Variants in ITPKA observed in about 807,000 individuals in gnomAD.
The protein encoded by ITPKA is IP3 3-kinase A.
ITPKA carries 16 observed loss-of-function variants against 40.7 expected under a neutral mutation model. That is an observed-to-expected ratio of 0.39 (90% CI 0.27 to 0.60). ITPKA has a LOEUF of 0.60. ITPKA is among the 20% of genes least tolerant of loss of function. The probability of loss-of-function intolerance (pLI) is 0.50; values close to 1 mark genes in which losing one functional copy is unlikely to be tolerated. For missense variants in ITPKA, 540 were observed against 649.3 expected (o/e 0.83, Z 1.83); for synonymous variants, 313 against 289.9 (o/e 1.08, Z -0.81).
In ITPKA at chr15:41,494,256, G is replaced by C; in HGVS notation, c.329G>C (p.Gly110Ala). 6 of 1,546,376 alleles carry C rather than the reference G, an allele frequency of 3.9e-6. No homozygotes were observed. The highest frequency in any genetic ancestry group is 5.2e-6 in the Non-Finnish European group (6 of 1,154,144). ...GAGAGGGACTGCCTCCCGGCAGCGGGCTCTTCGCACCTGCAGCAGCCGCGC... is the reference window on the plus strand; with the variant it reads ...GAGAGGGACTGCCTCCCGGCAGCGGCCTCTTCGCACCTGCAGCAGCCGCGC... ...ERERDCLPAA[G>A]SSHLQQPRRL... Residue 110 changes from glycine (G) to alanine (A), a missense_variant, in exon 1 of 7, where the codon GGC becomes GCC. Transcript: ENST00000260386. The surrounding 1 kb of genome is among the most constrained non-coding windows in gnomAD (Gnocchi z 7.8).
At position 41,502,457 on chromosome 15, in the gene ITPKA, T is replaced by C; in HGVS notation, c.1064T>C (p.Val355Ala). 3 of 1,603,412 alleles carry C rather than the reference T, an allele frequency of 1.9e-6. No homozygotes were observed. The highest frequency in any genetic ancestry group is 2.6e-6 in the Non-Finnish European group (3 of 1,171,000). The change falls in exon 5 of 7, where the codon GTG becomes GCG. Residue 355 changes from valine (V) to alanine (A), a missense_variant. Physicochemically the swap from Val to Ala is moderately conservative, Grantham distance 64. Coordinates refer to ENST00000260386, the MANE Select transcript of ITPKA (RefSeq NM_002220.3). ...DFKTTRSREQ[V>A]LRVFEEFVQG... ...AAGACTACGCGAAGCCGAGAGCAGG[T>C]GCTTCGCGTCTTTGAAGAGTTTGTG...
At chr15:41,500,316 C>T (rs1190024041) in intron 1 of ITPKA, among the ~76,000 whole-genome samples, 3 of 152,170 alleles carry the variant, frequency 2.0e-5, no homozygotes, top group Non-Finnish European at 2.9e-5. Context: ...CAAGGGTGCC[C>T]TGGGCCTTGC....
chr15:41,502,530 G>A, intron 5 of ITPKA, 27 bp downstream of exon 5: 3 of 1,351,594 alleles, frequency 2.2e-6, no homozygotes, highest in Middle Eastern at 3.7e-4. Flanking sequence ...AAACCCTGAG[G>A]TGTTGGGGAG....
At chr15:41,499,412 T>C (rs866287067) in intron 1 of ITPKA, among the ~76,000 whole-genome samples, 1 of 152,174 alleles carries the variant, frequency 6.6e-6, no homozygotes, top group Non-Finnish European at 1.5e-5. Flanking sequence ...ATGGTTCGTG[T>C]TACGGCAGCA....
rs559198390 is a variant in ITPKA, at chr15:41,494,376, G to A, written c.449G>A (p.Arg150His). 10 of 1,496,882 alleles carry A rather than the reference G, an allele frequency of 6.7e-6. No homozygotes were observed. The South Asian group carries it at 1.0e-4, about 15-fold the overall frequency. 92.7% of individuals were successfully genotyped at this position (1,496,882 alleles called of 1,614,324 possible). Residue 150 changes from arginine to histidine, a missense_variant, in exon 1 of 7, where the codon CGC (arginine) becomes CAC (histidine). Arg to His is a conservative substitution (Grantham distance 29). Coordinates refer to ENST00000260386, the MANE Select transcript of ITPKA (RefSeq NM_002220.3). The surrounding 1 kb of genome is among the most constrained non-coding windows in gnomAD (Gnocchi z 7.8). ...DLLSDSESRS[R>H]GNVQLEAGED... Reference sequence around the variant, plus strand: ...CTGAGCGACAGTGAGAGCCGGAGCCGCGGCAACGTGCAGCTGGAAGCGGGC... The same window carrying A: ...CTGAGCGACAGTGAGAGCCGGAGCCACGGCAACGTGCAGCTGGAAGCGGGC...
At chr15:41,501,927 C>A (rs182447811) in intron 3 of ITPKA, 70 bp from the exon 4 acceptor site, 2 of 1,588,278 alleles carry the variant, frequency 1.3e-6, no homozygotes, top group East Asian at 4.5e-5. Flanking sequence ...GAGGGGGACC[C>A]GGGGCGAGTG....
At chr15:41,500,275 T>A (rs1245168353) in intron 1 of ITPKA, among the ~76,000 whole-genome samples, 2 of 152,206 alleles carry the variant, frequency 1.3e-5, no homozygotes, top group African/African-American at 4.8e-5. Flanking sequence ...CTTATTTTCA[T>A]GGCTTAAGAT....
Position 41,502,825 on chromosome 15 carries a change from C to T in ITPKA, c.1148C>T (p.Thr383Ile), listed in dbSNP as rs919023895. 6 of 1,612,702 alleles carry T rather than the reference C, an allele frequency of 3.7e-6. No homozygotes were observed. The African/African-American group carries it at 4.0e-5, about 11-fold the overall frequency. Residue 383 changes from threonine (T) to isoleucine (I), a missense_variant, in exon 6 of 7, where the codon ACC becomes ATC. Coordinates refer to ENST00000260386, the MANE Select transcript of ITPKA (RefSeq NM_002220.3). Reference sequence around the variant, plus strand: ...AACCGCCTGCAGCAGATCCGGGACACCCTGGAGGTATCCGAGTTCTTCAGG... The same window carrying T: ...AACCGCCTGCAGCAGATCCGGGACATCCTGGAGGTATCCGAGTTCTTCAGG... ...YLNRLQQIRD[T>I]LEVSEFFRRH... is the part of the protein sequence containing the mutation.
chr15:41,501,873 G>A lies in ITPKA; in HGVS notation c.803+22G>A, dbSNP rs746568735. On this transcript the variant is annotated intron_variant, in intron 3 of 6. Coordinates refer to ENST00000260386, the MANE Select transcript of ITPKA (RefSeq NM_002220.3). ...TCAGGTATGCGTGCCCTGCCAGGTC[G>A]GTTGGGGGGATCAAGTAGGGGTCCG... The A allele has an allele frequency of 1.9e-6, 3 of 1,608,746 alleles. No individual in the cohort carries two copies. In the African/African-American group the frequency reaches 4.0e-5, roughly 21 times the overall value.
At chr15:41,502,244 C>G in intron 4 of ITPKA, 43 bp downstream of exon 4, 1 of 1,533,952 alleles carries the variant, frequency 6.5e-7, no homozygotes, top group Non-Finnish European at 8.8e-7. Flanking sequence ...AGCCCCACTG[C>G]GCGCTGTCTT....
intron 5 of ITPKA, 57 bp downstream of exon 5, chr15:41,502,560 CCT>C: frequency 6.3e-6 from 7 of 1,103,012 alleles, no homozygotes; most frequent in Non-Finnish European, 9.7e-6. Flanking sequence ...GAGGACTGCC[CCT>C]GTCATCTGGC....
intron 5 of ITPKA, 60 bp downstream of exon 5, chr15:41,502,563 G>A: frequency 9.2e-7 from 1 of 1,085,454 alleles, no homozygotes. Flanking sequence ...GACTGCCCCT[G>A]TCATCTGGCC....
At chr15:41,499,366 G>A (rs1298391704) in intron 1 of ITPKA, among the ~76,000 whole-genome samples, 3 of 152,202 alleles carry the variant, frequency 2.0e-5, no homozygotes, top group Admixed American at 6.5e-5. Flanking sequence ...TGGAAGATGA[G>A]AAAGTGCCTG....
intron 1 of ITPKA, among the ~76,000 whole-genome samples, chr15:41,496,300 C>T (rs1244307806): frequency 6.6e-6 from 1 of 152,190 alleles, no homozygotes; most frequent in East Asian, 1.9e-4. Flanking sequence ...GACTCTAGGA[C>T]TCCCGGCTTA....
At chr15:41,502,887 G>A in intron 6 of ITPKA, 28 bp downstream of exon 6, 1 of 1,609,430 alleles carries the variant, frequency 6.2e-7, no homozygotes, top group Non-Finnish European at 8.5e-7. Context: ...GGGTGCCCGG[G>A]CCGCGAGGGC....
chr15:41,496,311 CCA>C (rs2051070670), intron 1 of ITPKA, among the ~76,000 whole-genome samples: 2 of 152,172 alleles, frequency 1.3e-5, no homozygotes, highest in Admixed American at 6.5e-5. Context: ...TCCCGGCTTA[CCA>C]GCCCCTTACG....
At chr15:41,497,013 C>T (rs1291779444) in intron 1 of ITPKA, among the ~76,000 whole-genome samples, 1 of 152,102 alleles carries the variant, frequency 6.6e-6, no homozygotes, top group Non-Finnish European at 1.5e-5. Context: ...TGGTCTGCTC[C>T]AGCAGAAGAT....
rs946463265 is a variant in ITPKA, at chr15:41,495,800, G to C, written c.489+1384G>C. 3.3e-5 allele frequency among the ~76,000 whole-genome samples: 5 copies of C among 152,264 alleles called. No homozygotes were observed. In the South Asian group the frequency reaches 1.0e-3, roughly 31 times the overall value. ...GGGGCGCGGAAGCTCTGACACCTGA[G>C]AGCCGGTGCAGGCGAAAGGGCGCGA... On this transcript the variant is annotated intron_variant, in intron 1 of 6. Transcript: ENST00000260386.
intron 1 of ITPKA, among the ~76,000 whole-genome samples, chr15:41,498,952 C>A (rs1454422728): frequency 5.9e-5 from 9 of 152,140 alleles, no homozygotes; most frequent in Admixed American, 4.6e-4. Context: ...GGAGGCAGGG[C>A]ATGAGGGGAT....
Sources: gnomAD v4.1 joint callset for allele counts (sites outside exome capture counted in the v4.1 genomes callset) on GRCh38, gnomAD v4.1.1 for gene constraint, Gnocchi (gnomAD v3.1) non-coding constraint, MANE v1.5 for transcripts, NCBI Gene and HGNC (gene_info 2026-07-23, HGNC 2026-07-21) for gene names.